LYST: variants seen among roughly 807,000 people sequenced by gnomAD.
LYST encodes lysosomal trafficking regulator.
A neutral mutation model predicts 413.6 loss-of-function variants in LYST; 192 were observed. The ratio of observed to expected loss-of-function variants is 0.46; its 90% CI spans 0.41 to 0.52. LYST has a LOEUF of 0.52. LYST is among the 20% of genes least tolerant of loss of function. LYST has a pLI of 0.00. For synonymous variants in LYST, 1,525 were observed against 1,567.3 expected, an observed-to-expected ratio of 0.97 and a Z score of 0.64; for missense variants, 3,815 against 4,499.9, an observed-to-expected ratio of 0.85 and a Z score of 4.35.
intron 44 of LYST, among the ~76,000 whole-genome samples, chr1:235,706,075 G>C (rs149908107): frequency 1.6e-4 from 24 of 152,210 alleles, no homozygotes; most frequent in African/African-American, 5.8e-4. Flanking sequence ...TTACAGGCAT[G>C]AGCCACCATG....
At chr1:235,775,196 AT>A in intron 17 of LYST, 110 bp from the exon 18 acceptor site, 3 of 803,026 alleles carry the variant, frequency 3.7e-6, no homozygotes, top group South Asian at 1.5e-5. Context: ...TCTACAAAGT[AT>A]TTTTTTAATG....
intron 14 of LYST, 72 bp from the exon 15 acceptor site, chr1:235,782,159 A>C: frequency 8.0e-7 from 1 of 1,254,076 alleles, no homozygotes; most frequent in Non-Finnish European, 1.1e-6. Flanking sequence ...TTAAAGTATG[A>C]ATATTTAACA....
chr1:235,875,532 A>G (rs918884483), intron 1 of LYST, among the ~76,000 whole-genome samples: 11 of 152,180 alleles, frequency 7.2e-5, no homozygotes, highest in African/African-American at 2.2e-4. Flanking sequence ...CAAAGGATAA[A>G]AATTTACCCT....
chr1:235,783,927 T>C (rs533154179), intron 14 of LYST, among the ~76,000 whole-genome samples: 2 of 152,040 alleles, frequency 1.3e-5, no homozygotes, highest in South Asian at 4.2e-4. Context: ...TCACCCAGGC[T>C]GAAGTGCAGG....
At chr1:235,711,890 C>T (rs921793252) in intron 43 of LYST, among the ~76,000 whole-genome samples, 167 bp downstream of exon 43, 3 of 151,938 alleles carry the variant, frequency 2.0e-5, no homozygotes, top group African/African-American at 7.2e-5. Flanking sequence ...TACTTAAAAT[C>T]CTCAAGCTTA....
intron 40 of LYST, 36 bp downstream of exon 40, chr1:235,720,625 G>A (rs1663280423): frequency 6.2e-7 from 1 of 1,604,348 alleles, no homozygotes; most frequent in South Asian, 1.1e-5. Flanking sequence ...ACATATGGAT[G>A]GATGAACCCT....
chr1:235,809,405 G>A lies in LYST; in HGVS notation c.1413C>T (p.Ala471=), dbSNP rs772178659. The A allele has an allele frequency of 5.6e-6, 9 of 1,613,684 alleles. No homozygotes were observed. Among genetic ancestry groups the A allele is most frequent in the Non-Finnish European group, 7.6e-6 (9 of 1,179,942 alleles). ...VPPEASEHLK[A]LINSVMKIMS... is the part of the protein sequence containing the mutation. ...TTATTTTCATCACACTATTTATTAG[G>A]GCTTTCAAATGCTCTGAGGCCTCGG... Residue 471 remains alanine, a synonymous_variant, in exon 5 of 53, where the codon GCC becomes GCT. Transcript: ENST00000389793. The surrounding 1 kb of genome is among the most constrained non-coding windows in gnomAD (Gnocchi z 4.0).
At position 235,830,347 on chromosome 1, in the gene LYST, A is replaced by C; in HGVS notation, c.71T>G (p.Val24Gly). The change falls in exon 3 of 53, where the codon GTC becomes GGC. Residue 24 changes from valine (V) to glycine (G), a missense_variant. Coordinates refer to ENST00000389793, the MANE Select transcript of LYST (RefSeq NM_000081.4). ...TDVNRLCNAV[V>G]QRVEAREEEE... ...TTCCTCCCTGGCCTCCACCCTCTGG[A>C]CCACTGCATTGCAAAGCCGGTTGAC... The C allele has an allele frequency of 4.3e-6, 7 of 1,613,858 alleles. No individual in the cohort carries two copies. Among genetic ancestry groups the C allele is most frequent in the Non-Finnish European group, 5.9e-6 (7 of 1,179,906 alleles).
At chr1:235,815,427 T>C (rs1673949499) in intron 3 of LYST, among the ~76,000 whole-genome samples, 1 of 152,204 alleles carries the variant, frequency 6.6e-6, no homozygotes, top group Non-Finnish European at 1.5e-5. Context: ...GATGGGCTAT[T>C]TGAGCAGATA....
chr1:235,801,152 A>T lies in LYST; in HGVS notation c.3713-55T>A. The T allele has an allele frequency of 2.7e-6, 3 of 1,109,450 alleles. No homozygotes were observed. The South Asian group carries it at 3.7e-5, about 14-fold the overall frequency. The allele number at this position is 1,109,450 out of a possible 1,614,324, so 68.7% of individuals were successfully genotyped here. On this transcript the variant is annotated intron_variant, in intron 8 of 52. Coordinates refer to ENST00000389793, the MANE Select transcript of LYST (RefSeq NM_000081.4). Reference sequence around the variant, plus strand: ...TATTCCCTAAACACTAAATATTTCAAACTTCATTAATCATTTAGAAGATCT... The same window carrying T: ...TATTCCCTAAACACTAAATATTTCATACTTCATTAATCATTTAGAAGATCT...
At chr1:235,673,821 G>A (rs994585354) in intron 50 of LYST, among the ~76,000 whole-genome samples, 2 of 152,128 alleles carry the variant, frequency 1.3e-5, no homozygotes, top group African/African-American at 2.4e-5. Context: ...TATAATAAAA[G>A]TCAAGGATTT....
intron 3 of LYST, among the ~76,000 whole-genome samples, chr1:235,827,092 A>C (rs879287221): frequency 6.6e-6 from 1 of 151,982 alleles, no homozygotes; most frequent in African/African-American, 2.4e-5. Flanking sequence ...AGCTGGGCGC[A>C]GTGGCTCACA....
At chr1:235,814,836 G>A (rs556993119) in intron 3 of LYST, among the ~76,000 whole-genome samples, 3 of 152,174 alleles carry the variant, frequency 2.0e-5, no homozygotes, top group East Asian at 1.9e-4. Context: ...AACCCTTCAC[G>A]GCAATGATTC....
intron 46 of LYST, 55 bp from the exon 47 acceptor site, chr1:235,693,541 GA>G: frequency 6.2e-7 from 1 of 1,608,632 alleles, no homozygotes. Flanking sequence ...ACTGTTACAT[GA>G]CAGCCCAAAA....
intron 31 of LYST, among the ~76,000 whole-genome samples, chr1:235,740,445 C>T (rs1665261505): frequency 6.6e-6 from 1 of 152,120 alleles, no homozygotes; most frequent in Admixed American, 6.5e-5. Context: ...TCCACAGAGA[C>T]AACTACTGTC....
In LYST at chr1:235,741,420, A is replaced by C. The variant is rs1157079200; in HGVS notation, c.8358+2T>G. The C allele has an allele frequency of 1.2e-6, 2 of 1,609,960 alleles. No individual in the cohort carries two copies. The highest frequency in any genetic ancestry group is 1.7e-6 in the Non-Finnish European group (2 of 1,176,282). ...TTCTCTTATCAAAGCTGAGATACTTACTTGTAGGGATGGGCTGAGACAGTC... is the reference window on the plus strand; with the variant it reads ...TTCTCTTATCAAAGCTGAGATACTTCCTTGTAGGGATGGGCTGAGACAGTC... On this transcript the variant is annotated splice_donor_variant, in intron 31 of 52. Transcript: ENST00000389793. LOFTEE classifies it high-confidence loss of function.
chr1:235,703,058 A>G (rs1230475283), intron 44 of LYST, 81 bp from the exon 45 acceptor site: 1 of 1,017,144 alleles, frequency 9.8e-7, no homozygotes, highest in Non-Finnish European at 1.6e-6. Context: ...GAAAAACAAC[A>G]CTTTGTTTTA....
In LYST at chr1:235,799,928, C is replaced by CT. The variant is rs67988872; in HGVS notation, c.4006+391dup. ...CACAGAGCACTATGCCAATGGAAGC[C>CT]TTTTTTTTTTTTTTTTTTTTTTTTT... On this transcript the variant is annotated intron_variant, in intron 10 of 52. Coordinates refer to ENST00000389793, the MANE Select transcript of LYST (RefSeq NM_000081.4). Among the ~76,000 whole-genome samples, 4 of 63,482 alleles carry CT rather than the reference C, an allele frequency of 6.3e-5. 2 individuals carry two copies. The highest frequency in any genetic ancestry group is 1.1e-4 in the Non-Finnish European group (4 of 35,146). 41.6% of individuals were successfully genotyped at this position (63,482 alleles called of 152,430 possible). A position where few individuals can be genotyped will look rare whatever the true frequency, so the allele number is the denominator to read the frequency against.
At position 235,759,134 on chromosome 1, in the gene LYST, T is replaced by C; in HGVS notation, c.6719A>G (p.His2240Arg). ...TAGCCCAAGGCTTGCAATAGTGCTG[T>C]GGCTTCGCTGGAAGGAGGCCAATCC... ...LKGLASFQRSHSTIASLGLAF... is the reference protein window; with the variant it reads ...LKGLASFQRSRSTIASLGLAF... The change falls in exon 23 of 53, where the codon CAC becomes CGC. Residue 2240 changes from histidine to arginine, a missense_variant. Physicochemically the swap from His to Arg is conservative, Grantham distance 29. Transcript: ENST00000389793. 1 of 1,614,190 alleles carries C rather than the reference T, an allele frequency of 6.2e-7. No homozygotes were observed. The highest frequency in any genetic ancestry group is 1.1e-5 in the South Asian group (1 of 91,086).
Sources: gnomAD v4.1 joint callset for allele counts (sites outside exome capture counted in the v4.1 genomes callset) on GRCh38, gnomAD v4.1.1 for gene constraint, Gnocchi (gnomAD v3.1) non-coding constraint, MANE v1.5 for transcripts, NCBI Gene and HGNC (gene_info 2026-07-23, HGNC 2026-07-21) for gene names.